EFHD1: variants seen among roughly 807,000 people sequenced by gnomAD.
EFHD1 encodes the protein EF-hand domain-containing protein D1.
EFHD1 carries 10 observed loss-of-function variants against 17.2 expected under a neutral mutation model. The observed-to-expected ratio is 0.58, with a 90% confidence interval of 0.36 to 0.99. EFHD1 has a LOEUF of 0.99. EFHD1 is among the 50% of genes least tolerant of loss of function. The pLI is 0.01. For synonymous variants in EFHD1, 153 were observed against 142.0 expected (o/e 1.08, Z -0.55); for missense variants, 310 against 327.5 (o/e 0.95, Z 0.41).
chr2:232,649,505 G>A (rs1405252065), intron 1 of EFHD1, among the ~76,000 whole-genome samples: 1 of 152,166 alleles, frequency 6.6e-6, no homozygotes, highest in Non-Finnish European at 1.5e-5. Context: ...GTTTTCCCCA[G>A]AAAGCTAAAG....
At chr2:232,631,075 A>G (rs993002108), upstream of EFHD1, among the ~76,000 whole-genome samples, 2 of 151,962 alleles carry the variant, frequency 1.3e-5, no homozygotes, top group Non-Finnish European at 2.9e-5. Context: ...AAAATATAAA[A>G]TATTAGCTGG....
At position 232,651,288 on chromosome 2, in the gene EFHD1, A is replaced by G. The variant is rs565225904; in HGVS notation, c.303-11514A>G. On this transcript the variant is annotated intron_variant, in intron 1 of 3. Transcript: ENST00000264059. The stretch of plus-strand genomic sequence containing the variant: ...CTATTCTGTGGGGTTCCCTTTCTAC[A>G]TGGCTGGATTCCAAATTGCAAGGAA... Among the ~76,000 whole-genome samples, 112 of 152,342 alleles carry G rather than the reference A, an allele frequency of 7.4e-4. 1 individual carries two copies. The Middle Eastern group carries it at 0.014, about 19-fold the overall frequency.
intron 3 of EFHD1, among the ~76,000 whole-genome samples, chr2:232,674,305 T>A (rs918838062): frequency 1.3e-5 from 2 of 152,118 alleles, no homozygotes; most frequent in African/African-American, 4.8e-5. Context: ...GGGAAGTGAG[T>A]TCATTGTGAT....
chr2:232,635,132 G>A (rs1390981336), intron 1 of EFHD1, among the ~76,000 whole-genome samples: 1 of 152,244 alleles, frequency 6.6e-6, no homozygotes, highest in Admixed American at 6.5e-5. Context: ...GGCGTTTTCT[G>A]GGTCTAGTTT....
intron 3 of EFHD1, among the ~76,000 whole-genome samples, chr2:232,678,369 C>T (rs755653464): frequency 3.3e-5 from 5 of 151,984 alleles, no homozygotes; most frequent in Admixed American, 1.3e-4. Flanking sequence ...GAAAATGTTG[C>T]GATCATAGGT....
At chr2:232,628,409 C>G (rs1003527609) in intron 1 of EFHD1, among the ~76,000 whole-genome samples, 3 of 152,192 alleles carry the variant, frequency 2.0e-5, no homozygotes, top group Admixed American at 2.0e-4. Context: ...ACCTTTTGCT[C>G]TAAAACAAAT....
rs909433742 is a variant in EFHD1 at position 232,644,514 on chromosome 2, T to A, written c.302+10508T>A. 4.7e-5 allele frequency among the ~76,000 whole-genome samples: 7 copies of A among 148,162 alleles called. No homozygotes were observed. In the East Asian group the frequency reaches 5.9e-4, roughly 13 times the overall value. On this transcript the variant is annotated intron_variant, in intron 1 of 3. Transcript: ENST00000264059. Reference sequence around the variant, plus strand: ...CTGGTTTTCTTTTCTTTTTTTTCAATTTTTTTTTTTATTTTTGAGACAGAG... The same window carrying A: ...CTGGTTTTCTTTTCTTTTTTTTCAAATTTTTTTTTTATTTTTGAGACAGAG...
intron 1 of EFHD1, among the ~76,000 whole-genome samples, chr2:232,625,303 A>AC (rs776193790): frequency 7.0e-6 from 1 of 141,850 alleles, no homozygotes; most frequent in Non-Finnish European, 1.5e-5. Context: ...TAATTTAAAC[A>AC]TTTTTTTTTT....
At chr2:232,621,599 C>T (rs1414460877) in intron 1 of EFHD1, among the ~76,000 whole-genome samples, 1 of 152,054 alleles carries the variant, frequency 6.6e-6, no homozygotes, top group Non-Finnish European at 1.5e-5. Context: ...ATTATGGGCA[C>T]CCGCCACCAT....
intron 1 of EFHD1, among the ~76,000 whole-genome samples, chr2:232,642,738 C>T (rs936463457): frequency 1.3e-5 from 2 of 152,152 alleles, no homozygotes; most frequent in East Asian, 3.9e-4. Flanking sequence ...GTTCTGTTCC[C>T]GAGGGTCACC....
At chr2:232,659,317 A>C (rs905148627) in intron 1 of EFHD1, among the ~76,000 whole-genome samples, 1 of 152,134 alleles carries the variant, frequency 6.6e-6, no homozygotes, top group Non-Finnish European at 1.5e-5. Flanking sequence ...CAAGAAATAA[A>C]AATAGAAGCA....
intron 1 of EFHD1, among the ~76,000 whole-genome samples, chr2:232,640,669 A>T: frequency 6.6e-6 from 1 of 152,008 alleles, no homozygotes; most frequent in East Asian, 1.9e-4. Flanking sequence ...GATGGGAGGG[A>T]TGTCACTCCC....
intron 1 of EFHD1, among the ~76,000 whole-genome samples, chr2:232,654,235 G>A (rs1230960337): frequency 6.6e-6 from 1 of 150,554 alleles, no homozygotes; most frequent in African/African-American, 2.4e-5. Context: ...AAAGAAAGAA[G>A]TTGGAATTCC....
At chr2:232,631,227 TA>T (rs936068266), upstream of EFHD1, among the ~76,000 whole-genome samples, 24 of 149,486 alleles carry the variant, frequency 1.6e-4, no homozygotes, top group African/African-American at 4.9e-4. Context: ...AACTCCGTCT[TA>T]AAAAAAAAAT....
chr2:232,656,280 C>T (rs1400750168), intron 1 of EFHD1, among the ~76,000 whole-genome samples: 2 of 152,112 alleles, frequency 1.3e-5, no homozygotes, highest in African/African-American at 4.8e-5. Flanking sequence ...TGATTTATTT[C>T]GCCCATGAGT....
At chr2:232,606,077 C>G in exon 1 of EFHD1, 2 of 1,482,372 alleles carry the variant, frequency 1.3e-6, no homozygotes, top group Non-Finnish European at 9.2e-7. Context: ...GGCGGATACC[C>G]CGGCCTTGGC....
exon 1 of EFHD1, chr2:232,606,106 G>C (rs1392307835): frequency 1.9e-6 from 3 of 1,545,412 alleles, no homozygotes; most frequent in Non-Finnish European, 2.6e-6. Flanking sequence ...GCCTTTCTCC[G>C]TACTGTCCCT....
intron 1 of EFHD1, among the ~76,000 whole-genome samples, chr2:232,648,842 G>A (rs1281562132): frequency 1.3e-5 from 2 of 152,144 alleles, no homozygotes; most frequent in African/African-American, 2.4e-5. Flanking sequence ...AAGGCAATGC[G>A]TGATTTCTAT....
At chr2:232,656,019 G>T (rs1574723215) in intron 1 of EFHD1, among the ~76,000 whole-genome samples, 1 of 152,086 alleles carries the variant, frequency 6.6e-6, no homozygotes, top group East Asian at 1.9e-4. Context: ...TGTTAGCCAG[G>T]ATGGTCTTGA....
Sources: allele counts gnomAD v4.1 joint callset (sites outside exome capture counted in the v4.1 genomes callset), GRCh38; gene constraint gnomAD v4.1.1; transcripts MANE v1.5; gene names NCBI Gene and HGNC (gene_info 2026-07-23, HGNC 2026-07-21).